Variants in GLUD1 observed in about 807,000 individuals in gnomAD.
GLUD1 encodes the protein glutamate dehydrogenase 1, mitochondrial.
Under a neutral mutation model 56.0 loss-of-function variants are expected in GLUD1, and 22 were observed. That is an observed-to-expected ratio of 0.39 (90% CI 0.28 to 0.56). The LOEUF is 0.56. Among genes scored for constraint, GLUD1 ranks in the 20% least tolerant of loss-of-function variants. The probability of loss-of-function intolerance (pLI) is 0.58; values close to 1 mark genes in which losing one functional copy is unlikely to be tolerated. For missense variants in GLUD1, 451 were observed against 732.0 expected, an observed-to-expected ratio of 0.62 and a Z score of 4.43; for synonymous variants, 223 against 269.9, an observed-to-expected ratio of 0.83 and a Z score of 1.70.
chr10:87,086,942 T>C (rs1841398518), intron 1 of GLUD1, among the ~76,000 whole-genome samples: 1 of 152,100 alleles, frequency 6.6e-6, no homozygotes, highest in Admixed American at 6.6e-5. Context: ...AGATACAAAC[T>C]GGGTGTCCTG....
intron 1 of GLUD1, among the ~76,000 whole-genome samples, chr10:87,080,849 G>T (rs1841216206): frequency 6.6e-6 from 1 of 150,844 alleles, no homozygotes; most frequent in African/African-American, 2.4e-5. Context: ...AGGGAGGTGG[G>T]GGGGTCAGCC....
rs146909611 is a variant in GLUD1 at position 87,092,098 on chromosome 10, T to C, written c.445+2227A>G. Among the ~76,000 whole-genome samples the C allele has an allele frequency of 6.1e-4, 93 of 152,334 alleles. 2 individuals carry two copies. In the South Asian group the frequency reaches 9.3e-3, roughly 15 times the overall value. ...TTTAAGAAAGAAGACCTGTCTCTCT[T>C]ACAATGCACATTCTCTGCAAACAAG... On this transcript the variant is annotated intron_variant, in intron 1 of 12. Coordinates refer to ENST00000277865, the MANE Select transcript of GLUD1 (RefSeq NM_005271.5).
In GLUD1 at chr10:87,076,665, G is replaced by A. The variant is rs1846404467; in HGVS notation, c.446-9C>T. 6.4e-6 allele frequency: 10 copies of A among 1,566,938 alleles called. No individual in the cohort carries two copies. Among genetic ancestry groups the A allele is most frequent in the Non-Finnish European group, 7.9e-6 (9 of 1,136,894 alleles). ...AGTGCTGTAACGGATACCTGGTGGT[G>A]TTTTTAAAAAAATGTGTTGGGGTGG... is the stretch of plus-strand genomic sequence containing the variant. On this transcript the variant is annotated splice_polypyrimidine_tract_variant and intron_variant, in intron 1 of 12. Coordinates refer to ENST00000277865, the MANE Select transcript of GLUD1 (RefSeq NM_005271.5).
At chr10:87,063,057 GTTTT>G (rs757864860) in intron 5 of GLUD1, among the ~76,000 whole-genome samples, 34 of 144,274 alleles carry the variant, frequency 2.4e-4, no homozygotes, top group African/African-American at 5.1e-4. Context: ...TATATTTTCT[GTTTT>G]TTTTTTTGTT....
chr10:87,057,509 AG>A (rs2133788329), intron 11 of GLUD1, among the ~76,000 whole-genome samples, 181 bp downstream of exon 11: 1 of 152,378 alleles, frequency 6.6e-6, no homozygotes, highest in African/African-American at 2.4e-5. Flanking sequence ...AGTAGTCAGT[AG>A]GATTCTTACT....
At chr10:87,069,266 C>T (rs1484189604) in intron 4 of GLUD1, among the ~76,000 whole-genome samples, 1 of 152,064 alleles carries the variant, frequency 6.6e-6, no homozygotes, top group Non-Finnish European at 1.5e-5. Context: ...CCTGTAATCC[C>T]AGCACCTTGG....
Position 87,051,777 on chromosome 10 carries a change from T to G in GLUD1, c.1651A>C (p.Asn551His), listed in dbSNP as rs1174808910. ...TATGTGAAGGTCACACCAGCTTCAT[T>G]GTACACTTTGAAGACTTTCTCAATG... The part of the protein sequence containing the change: ...NAIEKVFKVY[N>H]EAGVTFT Residue 551 changes from asparagine (N) to histidine (H), a missense_variant, in exon 13 of 13, where the codon AAT becomes CAT. Physicochemically the swap from Asn to His is moderately conservative, Grantham distance 68. Coordinates refer to ENST00000277865, the MANE Select transcript of GLUD1 (RefSeq NM_005271.5). 7 of 1,612,768 alleles carry G rather than the reference T, an allele frequency of 4.3e-6. No homozygotes were observed. The highest frequency in any genetic ancestry group is 5.9e-6 in the Non-Finnish European group (7 of 1,179,922).
chr10:87,091,654 T>C (rs1841512259), intron 1 of GLUD1: 2 of 731,732 alleles, frequency 2.7e-6, no homozygotes, highest in Non-Finnish European at 3.3e-6. Context: ...AAACAGTGTG[T>C]ATTATTAAAT....
At chr10:87,089,045 A>G (rs189370009) in intron 1 of GLUD1, among the ~76,000 whole-genome samples, 13 of 152,352 alleles carry the variant, frequency 8.5e-5, no homozygotes, top group African/African-American at 3.1e-4. Flanking sequence ...ATGGACCTCT[A>G]GAGATATCAT....
At chr10:87,057,908 A>AC in intron 10 of GLUD1, 126 bp from the exon 11 acceptor site, 1 of 660,180 alleles carries the variant, frequency 1.5e-6, no homozygotes, top group Non-Finnish European at 2.7e-6. Flanking sequence ...GTGGTCTGTC[A>AC]CCCAGGCTGG....
In GLUD1 at chr10:87,050,532, A is replaced by C. The variant is rs1845605155; in HGVS notation, c.*1219T>G. The C allele has an allele frequency of 1.3e-5, 2 of 152,146 alleles. No individual in the cohort carries two copies. Among genetic ancestry groups the C allele is most frequent in the South Asian group, 4.1e-4 (2 of 4,828 alleles). 9.4% of individuals were successfully genotyped at this position (152,146 alleles called of 1,614,324 possible). The stretch of plus-strand genomic sequence containing the variant: ...AATAACTGCTTTTATCACCAGGTTA[A>C]GCCATGCAGTTACAAAGTAGTTAGA... On this transcript the variant is annotated 3_prime_UTR_variant, in exon 13 of 13. Transcript: ENST00000277865.
At chr10:87,088,783 A>G (rs987442688) in intron 1 of GLUD1, among the ~76,000 whole-genome samples, 1 of 152,246 alleles carries the variant, frequency 6.6e-6, no homozygotes, top group African/African-American at 2.4e-5. Context: ...TTCATAATAA[A>G]CAAAGCATTT....
intron 1 of GLUD1, among the ~76,000 whole-genome samples, chr10:87,079,920 CT>C (rs1841163644): frequency 2.6e-5 from 3 of 114,646 alleles, no homozygotes; most frequent in Admixed American, 8.7e-5. Context: ...CCCTCCCCCT[CT>C]CCCTCCCCCT....
intron 6 of GLUD1, 85 bp from the exon 7 acceptor site, chr10:87,061,137 ACT>A: frequency 3.2e-6 from 4 of 1,249,108 alleles, no homozygotes; most frequent in South Asian, 1.2e-5. Flanking sequence ...GTAAATCCAT[ACT>A]CTGTTTATTT....
intron 4 of GLUD1, 99 bp downstream of exon 4, chr10:87,074,452 C>A: frequency 1.3e-6 from 1 of 760,770 alleles, no homozygotes; most frequent in Non-Finnish European, 2.4e-6. Flanking sequence ...CGCACCACTG[C>A]ACTCTAGTCT....
rs775641185 is a variant in GLUD1 at position 87,094,555 on chromosome 10, C to T, written c.215G>A (p.Gly72Asp). ...GATGCTGGCGCCGCGATCGAAGAAGCCCTCCACCATCTTGAAGAAGTTGGG... is the reference window on the plus strand; with the variant it reads ...GATGCTGGCGCCGCGATCGAAGAAGTCCTCCACCATCTTGAAGAAGTTGGG... ...DDPNFFKMVE[G>D]FFDRGASIVE... Residue 72 changes from glycine (G) to aspartate (D), a missense_variant, in exon 1 of 13, where the codon GGC (glycine) becomes GAC (aspartate). This residue lies in a region of GLUD1 where 158 missense variants were observed against 189.7 expected (regional missense o/e 0.83). Coordinates refer to ENST00000277865, the MANE Select transcript of GLUD1 (RefSeq NM_005271.5). This position sits in a 1 kb window ranked among gnomAD's most constrained non-coding sequence, Gnocchi z 6.6. The T allele has an allele frequency of 1.2e-6, 2 of 1,612,254 alleles. No individual in the cohort carries two copies. The highest frequency in any genetic ancestry group is 1.7e-6 in the Non-Finnish European group (2 of 1,179,918).
intron 9 of GLUD1, 103 bp downstream of exon 9, chr10:87,060,058 C>G: frequency 2.5e-6 from 2 of 798,152 alleles, no homozygotes; most frequent in Non-Finnish European, 4.5e-6. Flanking sequence ...GATGAATTCA[C>G]TAGAGCTTGG....
chr10:87,094,236 C>A lies in GLUD1; in HGVS notation c.445+89G>T. ...CCCGCTCCAGCTGGGCTGGGCTGGG[C>A]TGAGCAGCGGCCCCGCACCGGCAGG... On this transcript the variant is annotated intron_variant, in intron 1 of 12. Transcript: ENST00000277865. This position sits in a 1 kb window ranked among gnomAD's most constrained non-coding sequence, Gnocchi z 6.6. 1 of 1,496,776 alleles carries A rather than the reference C, an allele frequency of 6.7e-7. No individual in the cohort carries two copies. The highest frequency in any genetic ancestry group is 2.0e-5 in the Admixed American group (1 of 49,648). 92.7% of individuals were successfully genotyped at this position (1,496,776 alleles called of 1,614,324 possible).
intron 1 of GLUD1, among the ~76,000 whole-genome samples, chr10:87,078,282 G>A (rs112557340): frequency 0.054 from 8,242 of 152,190 alleles, 747 homozygotes; most frequent in African/African-American, 0.19. Context: ...CCAGCACACA[G>A]CAGATATCTG....
Sources: gnomAD v4.1 joint callset for allele counts (sites outside exome capture counted in the v4.1 genomes callset) on GRCh38, gnomAD v4.1.1 for gene constraint, gnomAD v4.1.1 regional missense constraint, Gnocchi (gnomAD v3.1) non-coding constraint, MANE v1.5 for transcripts, NCBI Gene and HGNC (gene_info 2026-07-23, HGNC 2026-07-21) for gene names.